Variants in BNC2 observed in about 807,000 individuals in gnomAD.
The protein encoded by BNC2 is basonuclin zinc finger protein 2, also known as zinc finger protein basonuclin-2.
BNC2 carries 20 observed loss-of-function variants against 76.3 expected under a neutral mutation model. The ratio of observed to expected loss-of-function variants is 0.26; its 90% CI spans 0.18 to 0.38. The LOEUF is 0.38. Among genes scored for constraint, BNC2 ranks in the 10% least tolerant of loss-of-function variants. The pLI, the probability that BNC2 is intolerant of heterozygous loss-of-function variation, is 1.00. For synonymous variants in BNC2, 582 were observed against 514.8 expected, an observed-to-expected ratio of 1.13 and a Z score of -1.77; for missense variants, 1,382 against 1,399.8, an observed-to-expected ratio of 0.99 and a Z score of 0.20.
Position 16,419,064 on chromosome 9 carries a change from G to A in BNC2, c.3225C>T (p.Ser1075=). Residue 1075 remains serine, a synonymous_variant, in exon 7 of 7, where the codon TCC becomes TCT. Transcript: ENST00000380672. Reference sequence around the variant, plus strand: ...TGTGCCGATTTCGGCTTCGTACAGAGGAAAACATCATATTGCAACCTGGGA... The same window carrying A: ...TGTGCCGATTTCGGCTTCGTACAGAAGAAAACATCATATTGCAACCTGGGA... ...CKVPGCNMMF[S]SVRSRNRHSQ... is the part of the protein sequence containing the mutation. 1.2e-6 allele frequency: 2 copies of A among 1,614,178 alleles called. No individual in the cohort carries two copies. Among genetic ancestry groups the A allele is most frequent in the Non-Finnish European group, 1.7e-6 (2 of 1,180,036 alleles).
rs1433468994 is a variant in BNC2, at chr9:16,452,179, T to C, written c.670-14655A>G. ...AAAATGCATACATTTTAAAATTTAA[T>C]CTTCATTGTTTTTTCCCCTGCAAGT... On this transcript the variant is annotated intron_variant, in intron 5 of 6. Coordinates refer to ENST00000380672, the MANE Select transcript of BNC2 (RefSeq NM_017637.6). Among the ~76,000 whole-genome samples the C allele has an allele frequency of 2.6e-5, 4 of 152,338 alleles. No individual in the cohort carries two copies. In the East Asian group the frequency reaches 7.7e-4, roughly 29 times the overall value.
chr9:16,764,122 G>C (rs1825627232), intron 1 of BNC2, among the ~76,000 whole-genome samples: 2 of 152,112 alleles, frequency 1.3e-5, no homozygotes, highest in African/African-American at 2.4e-5. Context: ...TTCTGTTTAG[G>C]AACTTTAATT....
chr9:16,604,303 A>G (rs1008108630), intron 3 of BNC2, among the ~76,000 whole-genome samples: 1 of 152,238 alleles, frequency 6.6e-6, no homozygotes, highest in Non-Finnish European at 1.5e-5. Flanking sequence ...TATTAATTAA[A>G]TGCCAACTTT....
chr9:16,567,218 T>G (rs927975197), intron 4 of BNC2, among the ~76,000 whole-genome samples: 1 of 152,284 alleles, frequency 6.6e-6, no homozygotes, highest in South Asian at 2.1e-4. Flanking sequence ...GGGAACAGAA[T>G]TGCCATAAGG....
At chr9:16,783,627 G>A (rs1826208621) in intron 1 of BNC2, among the ~76,000 whole-genome samples, 1 of 152,128 alleles carries the variant, frequency 6.6e-6, no homozygotes, top group Admixed American at 6.5e-5. Flanking sequence ...CAAATGATAT[G>A]CACTGCTTTA....
At chr9:16,735,601 A>G (rs1824643374) in intron 2 of BNC2, among the ~76,000 whole-genome samples, 1 of 151,948 alleles carries the variant, frequency 6.6e-6, no homozygotes, top group African/African-American at 2.4e-5. Flanking sequence ...GGTTCAAGCA[A>G]TTCTCCTGCC....
chr9:16,616,790 G>GGGAA (rs548575000), intron 3 of BNC2, among the ~76,000 whole-genome samples: 478 of 10,376 alleles, frequency 0.046, 3 homozygotes, highest in African/African-American at 0.067. Context: ...GGAGGAAGGA[G>GGGAA]GGAAGGAAGG....
intron 5 of BNC2, among the ~76,000 whole-genome samples, chr9:16,535,934 C>T (rs1818117613): frequency 6.6e-6 from 1 of 152,028 alleles, no homozygotes; most frequent in Admixed American, 6.6e-5. Flanking sequence ...CTGAAGGACG[C>T]ATGATAAATT....
chr9:16,615,064 C>T (rs907892421), intron 3 of BNC2, among the ~76,000 whole-genome samples: 3 of 150,432 alleles, frequency 2.0e-5, no homozygotes, highest in Non-Finnish European at 2.9e-5. Flanking sequence ...ACCAGCATGC[C>T]CCAAATTAGG....
At chr9:16,782,405 A>G (rs906114567) in intron 1 of BNC2, among the ~76,000 whole-genome samples, 1 of 152,162 alleles carries the variant, frequency 6.6e-6, no homozygotes, top group African/African-American at 2.4e-5. Flanking sequence ...TCATCTCCTC[A>G]TCAAGTAAAA....
chr9:16,695,041 G>C (rs989708376), intron 3 of BNC2, among the ~76,000 whole-genome samples: 2 of 152,142 alleles, frequency 1.3e-5, no homozygotes, highest in Non-Finnish European at 2.9e-5. Flanking sequence ...AAGTCAAAGG[G>C]AGTTATATTT....
chr9:16,724,493 C>G (rs1055420071), intron 3 of BNC2, among the ~76,000 whole-genome samples: 3 of 152,020 alleles, frequency 2.0e-5, no homozygotes, highest in Non-Finnish European at 4.4e-5. Context: ...TTAATGTTCT[C>G]AAATACTCAG....
chr9:16,659,723 A>T (rs1019362995), intron 3 of BNC2, among the ~76,000 whole-genome samples: 3 of 151,600 alleles, frequency 2.0e-5, no homozygotes, highest in Admixed American at 2.0e-4. Context: ...CTCTCATTTT[A>T]TTCAGTTCTC....
chr9:16,482,660 A>C (rs978892112), intron 5 of BNC2, among the ~76,000 whole-genome samples: 7 of 148,430 alleles, frequency 4.7e-5, no homozygotes, highest in Admixed American at 4.6e-4. Flanking sequence ...AATTTAGAAA[A>C]TCTGCTACTT....
rs78388505 is a variant in BNC2, at chr9:16,753,037, A to G, written c.4-14552T>C. On this transcript the variant is annotated intron_variant, in intron 1 of 6. Transcript: ENST00000380672. The stretch of plus-strand genomic sequence containing the variant: ...ATGAATATCCCAGGTCAAATATAAC[A>G]TGACACTAAAGGTCTGGAAGCAAAG... Among the ~76,000 whole-genome samples, 504 of 152,322 alleles carry G rather than the reference A, an allele frequency of 3.3e-3. 1 individual carries two copies. The highest frequency in any genetic ancestry group is 0.011 in the African/African-American group (470 of 41,576).
intron 3 of BNC2, among the ~76,000 whole-genome samples, chr9:16,656,400 T>C (rs1006453318): frequency 1.5e-4 from 22 of 151,612 alleles, no homozygotes; most frequent in Non-Finnish European, 2.5e-4. Context: ...GATTCGGGGG[T>C]GGGGAGAGAC....
In BNC2 at chr9:16,436,272, T is replaced by C. The variant is rs752988917; in HGVS notation, c.1922A>G (p.Lys641Arg). The C allele has an allele frequency of 6.2e-7, 1 of 1,614,054 alleles. No individual in the cohort carries two copies. Among genetic ancestry groups the C allele is most frequent in the East Asian group, 2.2e-5 (1 of 44,898 alleles). The change falls in exon 6 of 7, where the codon AAG (lysine) becomes AGG (arginine). Residue 641 changes from lysine (K) to arginine (R), a missense_variant. Physicochemically the swap from Lys to Arg is conservative, Grantham distance 26. Transcript: ENST00000380672. Reference sequence around the variant, plus strand: ...GGTATCAATAATTTCCTTCTCAATCTTCACAGGCATGCTTGACTTCCTGGG... The same window carrying C: ...GGTATCAATAATTTCCTTCTCAATCCTCACAGGCATGCTTGACTTCCTGGG... ...KKPRKSSMPV[K>R]IEKEIIDTAD...
chr9:16,810,664 T>C (rs1166396102), intron 1 of BNC2, among the ~76,000 whole-genome samples: 3 of 152,178 alleles, frequency 2.0e-5, no homozygotes, highest in Admixed American at 6.5e-5. Context: ...TGTGCTTAAA[T>C]GAAACTGAAC....
chr9:16,444,684 G>A (rs1821195266), intron 5 of BNC2, among the ~76,000 whole-genome samples: 1 of 152,180 alleles, frequency 6.6e-6, no homozygotes, highest in African/African-American at 2.4e-5. Context: ...GCTGAAAGCA[G>A]GAGTTTCAGG....
Sources: allele counts gnomAD v4.1 joint callset (sites outside exome capture counted in the v4.1 genomes callset), GRCh38; gene constraint gnomAD v4.1.1; transcripts MANE v1.5; gene names NCBI Gene and HGNC (gene_info 2026-07-23, HGNC 2026-07-21).